The following MAP3K12 variants were observed in gnomAD, a reference collection of about 807,000 sequenced individuals.
The protein encoded by MAP3K12 is MAPK-upstream kinase.
A neutral mutation model predicts 87.5 loss-of-function variants in MAP3K12; 14 were observed. The ratio of observed to expected loss-of-function variants is 0.16; its 90% CI spans 0.11 to 0.25. The LOEUF (loss-of-function observed/expected upper bound fraction) is 0.25, where lower values mean the gene tolerates loss of function less well. MAP3K12 is among the 10% of genes least tolerant of loss of function. MAP3K12 has a pLI of 1.00. For missense variants in MAP3K12, 802 were observed against 1,140.4 expected, an observed-to-expected ratio of 0.70 and a Z score of 4.27; for synonymous variants, 469 against 452.5, an observed-to-expected ratio of 1.04 and a Z score of -0.46.
intron 8 of MAP3K12, 67 bp downstream of exon 8, chr12:53,483,844 G>A (rs1279861531): frequency 1.9e-5 from 30 of 1,610,410 alleles, no homozygotes; most frequent in Non-Finnish European, 2.5e-5. Context: ...CTGGGGCTGG[G>A]TAGGAGCTGA....
chr12:53,499,631 C>T (rs1943634904), upstream of MAP3K12: 1 of 151,022 alleles, frequency 6.6e-6, no homozygotes, highest in Non-Finnish European at 1.5e-5. Flanking sequence ...CACCCCCCGA[C>T]CCCTAGCCCC....
Position 53,482,139 on chromosome 12 carries a change from T to G in MAP3K12, c.2382A>C (p.Glu794Asp). The G allele has an allele frequency of 6.2e-7, 1 of 1,614,226 alleles. No individual in the cohort carries two copies. Among genetic ancestry groups the G allele is most frequent in the Non-Finnish European group, 8.5e-7 (1 of 1,180,046 alleles). The change falls in exon 13 of 14, where the codon GAA (glutamate) becomes GAC (aspartate). Residue 794 changes from glutamate (E) to aspartate (D), a missense_variant. Physicochemically the swap from Glu to Asp is conservative, Grantham distance 45. Around this residue, in one of 5 missense-constraint regions of MAP3K12, gnomAD observed 490 missense variants for 496.6 expected, o/e 0.99. Transcript: ENST00000547488. Reference sequence around the variant, plus strand: ...TGGGGGAAGGTTCACTAGCTGTGCCTTCCTCCCCATCTGATGGATTCTCTG... The same window carrying G: ...TGGGGGAAGGTTCACTAGCTGTGCCGTCCTCCCCATCTGATGGATTCTCTG... ...FSSENPSDGE[E>D]GTASEPSPSG...
At chr12:53,487,551 T>G in intron 1 of MAP3K12, 123 bp from the exon 2 acceptor site, 1 of 955,356 alleles carries the variant, frequency 1.0e-6, no homozygotes, top group East Asian at 2.7e-5. Context: ...GAGGTAACAC[T>G]TGTGGCTCCG....
chr12:53,501,154 A>C (rs1943682334), upstream of MAP3K12: 2 of 551,654 alleles, frequency 3.6e-6, no homozygotes, highest in Admixed American at 6.5e-5. Context: ...GCGACGGCGG[A>C]GGGCCCGCTC....
intron 8 of MAP3K12, 59 bp downstream of exon 8, chr12:53,483,852 T>C: frequency 1.2e-6 from 2 of 1,610,486 alleles, no homozygotes; most frequent in Non-Finnish European, 1.7e-6. Context: ...GGGTAGGAGC[T>C]GACTGGGTGC....
At position 53,486,769 on chromosome 12, in the gene MAP3K12, G is replaced by A. The variant is rs1943238198; in HGVS notation, c.446-147C>T. ...CCAAGAAGAAGGTTCGAGGGGACAGGGAAGGAATGAATGGGTGGCCTTAAA... is the reference window on the plus strand; with the variant it reads ...CCAAGAAGAAGGTTCGAGGGGACAGAGAAGGAATGAATGGGTGGCCTTAAA... On this transcript the variant is annotated intron_variant, in intron 2 of 13. Coordinates refer to ENST00000547488, the MANE Select transcript of MAP3K12 (RefSeq NM_001193511.2). The surrounding 1 kb of genome is among the most constrained non-coding windows in gnomAD (Gnocchi z 4.9). 1 of 1,463,230 alleles carries A rather than the reference G, an allele frequency of 6.8e-7. No individual in the cohort carries two copies. Among genetic ancestry groups the A allele is most frequent in the Non-Finnish European group, 9.0e-7 (1 of 1,113,134 alleles). The allele number at this position is 1,463,230 out of a possible 1,614,324, so 90.6% of individuals were successfully genotyped here.
At chr12:53,490,132 G>A (rs774459071) in intron 1 of MAP3K12, among the ~76,000 whole-genome samples, 4 of 152,096 alleles carry the variant, frequency 2.6e-5, no homozygotes, top group South Asian at 2.1e-4. Context: ...GTGAAACCCC[G>A]TCTCTACTAA....
At position 53,482,630 on chromosome 12, in the gene MAP3K12, G is replaced by T; in HGVS notation, c.2173C>A (p.Arg725=). The part of the protein sequence containing the change: ...REGTSGRGGS[R]AGSQHLTPAA... ...GGGGTCAAGTGCTGGGACCCAGCCC[G>T]GCTTCCTCCCCGGCCTGAGGTCCCT... The change falls in exon 11 of 14, where the codon CGG becomes AGG. Residue 725 remains arginine, a synonymous_variant. Transcript: ENST00000547488. The T allele has an allele frequency of 1.2e-6, 2 of 1,613,886 alleles. No homozygotes were observed. Among genetic ancestry groups the T allele is most frequent in the Non-Finnish European group, 1.7e-6 (2 of 1,180,012 alleles).
chr12:53,486,516 C>G lies in MAP3K12; in HGVS notation c.552G>C (p.Val184=). 1 of 1,614,176 alleles carries G rather than the reference C, an allele frequency of 6.2e-7. No homozygotes were observed. The highest frequency in any genetic ancestry group is 8.5e-7 in the Non-Finnish European group (1 of 1,180,030). Reference sequence around the variant, plus strand: ...TTTCTTTGAGGTCTCGCACCTTCTTCACAGCCACCTCCTCCCCGTGGAAGC... The same window carrying G: ...TTTCTTTGAGGTCTCGCACCTTCTTGACAGCCACCTCCTCCCCGTGGAAGC... ...LGRFHGEEVA[V]KKVRDLKETD... is the part of the protein sequence containing the mutation. The change falls in exon 3 of 14, where the codon GTG becomes GTC. Residue 184 remains valine (V), a synonymous_variant. Transcript: ENST00000547488. This position sits in a 1 kb window ranked among gnomAD's most constrained non-coding sequence, Gnocchi z 4.9.
chr12:53,486,701 C>A lies in MAP3K12; in HGVS notation c.446-79G>T. ...CAGGGACAGGATAGCATTGGGTTGGCTGAATTGACTTAAGGAGGGTGAGGC... is the reference window on the plus strand; with the variant it reads ...CAGGGACAGGATAGCATTGGGTTGGATGAATTGACTTAAGGAGGGTGAGGC... On this transcript the variant is annotated intron_variant, in intron 2 of 13. Transcript: ENST00000547488. This position sits in a 1 kb window ranked among gnomAD's most constrained non-coding sequence, Gnocchi z 4.9. 2 of 1,469,020 alleles carry A rather than the reference C, an allele frequency of 1.4e-6. No homozygotes were observed. The highest frequency in any genetic ancestry group is 1.4e-5 in the South Asian group (1 of 71,868). 91.0% of individuals were successfully genotyped at this position (1,469,020 alleles called of 1,614,324 possible).
At chr12:53,496,058 G>A (rs1943541629) in intron 1 of MAP3K12, among the ~76,000 whole-genome samples, 1 of 152,218 alleles carries the variant, frequency 6.6e-6, no homozygotes, top group Admixed American at 6.5e-5. Context: ...GCTGGGGGTA[G>A]TGAAGGTTAA....
intron 6 of MAP3K12, chr12:53,484,786 T>C (rs2137188295): frequency 1.9e-6 from 1 of 516,354 alleles, no homozygotes; most frequent in Non-Finnish European, 3.5e-6. Context: ...ATGCTGCTCC[T>C]TCCTTGTACT....
In MAP3K12 at chr12:53,481,135, A is replaced by G. The variant is rs764748536; in HGVS notation, c.*47T>C. ...TATATATATATATATGTATATATAT[A>G]TAATTTATATAAATATTTCTCTATG... On this transcript the variant is annotated 3_prime_UTR_variant, in exon 14 of 14. Coordinates refer to ENST00000547488, the MANE Select transcript of MAP3K12 (RefSeq NM_001193511.2). 5 of 755,174 alleles carry G rather than the reference A, an allele frequency of 6.6e-6. No homozygotes were observed. Among genetic ancestry groups the G allele is most frequent in the African/African-American group, 3.8e-5 (2 of 53,178 alleles). The allele number at this position is 755,174 out of a possible 1,614,324, so 46.8% of individuals were successfully genotyped here.
chr12:53,496,318 G>C (rs1565893464), intron 1 of MAP3K12, among the ~76,000 whole-genome samples: 1 of 152,202 alleles, frequency 6.6e-6, no homozygotes, highest in East Asian at 1.9e-4. Flanking sequence ...CTGCCATTCT[G>C]TCTCCTCTGG....
upstream of MAP3K12, chr12:53,501,534 C>T (rs1943706502): frequency 2.6e-6 from 4 of 1,545,684 alleles, no homozygotes; most frequent in South Asian, 3.6e-5. Context: ...GGCGCGGCCC[C>T]AGCATGCACC....
chr12:53,495,339 C>CAAA (rs10647631), intron 1 of MAP3K12, among the ~76,000 whole-genome samples: 1,258 of 19,374 alleles, frequency 0.065, 443 homozygotes, highest in Non-Finnish European at 0.078. Flanking sequence ...ACTCTGTCTC[C>CAAA]AAAAAAAAAA....
At chr12:53,484,770 G>T in intron 6 of MAP3K12, 1 of 496,128 alleles carries the variant, frequency 2.0e-6, no homozygotes, top group South Asian at 2.2e-5. Context: ...ACCATGCTTG[G>T]TGGTTATGCT....
At chr12:53,497,467 T>C (rs973368124) in intron 1 of MAP3K12, among the ~76,000 whole-genome samples, 1 of 152,176 alleles carries the variant, frequency 6.6e-6, no homozygotes, top group African/African-American at 2.4e-5. Flanking sequence ...CTCTGGAATC[T>C]GGTCACTGTC....
At chr12:53,487,702 C>T (rs1029014741) in intron 1 of MAP3K12, 2 of 340,572 alleles carry the variant, frequency 5.9e-6, no homozygotes, top group South Asian at 1.1e-4. Flanking sequence ...AACAGCCCCA[C>T]GTGGGTACAC....
Sources: gnomAD v4.1 joint callset for allele counts (sites outside exome capture counted in the v4.1 genomes callset) on GRCh38, gnomAD v4.1.1 for gene constraint, gnomAD v4.1.1 regional missense constraint, Gnocchi (gnomAD v3.1) non-coding constraint, MANE v1.5 for transcripts, NCBI Gene and HGNC (gene_info 2026-07-23, HGNC 2026-07-21) for gene names.